PDE4D: variants seen among roughly 807,000 people sequenced by gnomAD.
The protein encoded by PDE4D is phosphodiesterase 4D, also known as 3',5'-cyclic-AMP phosphodiesterase 4D.
A neutral mutation model predicts 87.4 loss-of-function variants in PDE4D; 24 were observed. The observed-to-expected ratio is 0.27, with a 90% CI of 0.20 to 0.39. The LOEUF is 0.39. PDE4D is among the 10% of genes least tolerant of loss of function. The probability of loss-of-function intolerance (pLI) is 1.00; values close to 1 mark genes in which losing one functional copy is unlikely to be tolerated. For synonymous variants in PDE4D, 384 were observed against 383.2 expected (o/e 1.00, Z -0.02); for missense variants, 714 against 1,041.0 (o/e 0.69, Z 4.32).
At chr5:59,514,400 C>T (rs755188346) in intron 1 of PDE4D, among the ~76,000 whole-genome samples, 1 of 152,204 alleles carries the variant, frequency 6.6e-6, no homozygotes, top group East Asian at 1.9e-4. Flanking sequence ...CCACCGCACC[C>T]GGCCTTCATT....
chr5:60,452,737 G>A (rs984578680), intron 1 of PDE4D, among the ~76,000 whole-genome samples: 6 of 151,986 alleles, frequency 3.9e-5, no homozygotes, highest in Admixed American at 6.6e-5. Flanking sequence ...AAAATCACTC[G>A]AAAAAGTATT....
At chr5:59,781,570 G>A (rs1764626944) in intron 1 of PDE4D, among the ~76,000 whole-genome samples, 1 of 151,776 alleles carries the variant, frequency 6.6e-6, no homozygotes, top group Admixed American at 6.6e-5. Flanking sequence ...GGTGGATTAC[G>A]AGGTCAGGAA....
intron 1 of PDE4D, among the ~76,000 whole-genome samples, chr5:60,315,974 T>C (rs1755542341): frequency 6.6e-6 from 1 of 152,220 alleles, no homozygotes; most frequent in East Asian, 1.9e-4. Context: ...ATGTGGGCTC[T>C]TTTTTGGTTC....
intron 1 of PDE4D, among the ~76,000 whole-genome samples, chr5:59,785,749 T>C (rs1365554946): frequency 6.6e-6 from 1 of 152,250 alleles, no homozygotes; most frequent in Non-Finnish European, 1.5e-5. Context: ...GTGAAGGTTT[T>C]GTAAACTGAT....
In PDE4D at chr5:60,172,730, T is replaced by C. The variant is rs551681827; in HGVS notation, c.42+12827A>G. ...CCATCTTTGCTACAGGGACAATTGG[T>C]AGTCCCTCTTCCTAAGCCCTGTCTG... On this transcript the variant is annotated intron_variant, in intron 2 of 16. Coordinates refer to the PDE4D transcript ENST00000502484. Among the ~76,000 whole-genome samples the C allele has an allele frequency of 1.6e-4, 25 of 152,276 alleles. No individual in the cohort carries two copies. In the East Asian group the frequency reaches 2.7e-3, roughly 16 times the overall value.
intron 3 of PDE4D, among the ~76,000 whole-genome samples, chr5:59,187,032 C>T (rs978075251): frequency 1.4e-4 from 22 of 152,162 alleles, no homozygotes; most frequent in Non-Finnish European, 1.6e-4. Context: ...TGATCCCCTT[C>T]CTAGGCAAAA....
At chr5:60,116,776 T>C (rs749876324) in intron 2 of PDE4D, among the ~76,000 whole-genome samples, 3 of 152,038 alleles carry the variant, frequency 2.0e-5, no homozygotes, top group Non-Finnish European at 4.4e-5. Context: ...GGAAATGACA[T>C]CTGGAATGCA....
chr5:59,131,619 C>A (rs945282217), intron 5 of PDE4D, among the ~76,000 whole-genome samples: 1 of 103,780 alleles, frequency 9.6e-6, no homozygotes, highest in African/African-American at 3.9e-5. Flanking sequence ...CACACACACA[C>A]ACACACACAC....
At chr5:60,091,978 G>A (rs1367793270) in intron 2 of PDE4D, among the ~76,000 whole-genome samples, 8 of 149,168 alleles carry the variant, frequency 5.4e-5, no homozygotes, top group African/African-American at 2.0e-4. Flanking sequence ...GTGAACCCGG[G>A]AGGCGGAGCT....
chr5:59,345,200 C>G (rs1231509243), intron 1 of PDE4D, among the ~76,000 whole-genome samples: 1 of 152,056 alleles, frequency 6.6e-6, no homozygotes, highest in East Asian at 1.9e-4. Context: ...CTTACACTGC[C>G]TATGCATTTA....
At chr5:60,008,432 A>G (rs1764689366) in intron 2 of PDE4D, among the ~76,000 whole-genome samples, 1 of 152,042 alleles carries the variant, frequency 6.6e-6, no homozygotes, top group African/African-American at 2.4e-5. Flanking sequence ...TAAAAACCCC[A>G]TATGGGCCAT....
chr5:59,569,534 G>A (rs561549939), intron 1 of PDE4D, among the ~76,000 whole-genome samples: 5 of 152,026 alleles, frequency 3.3e-5, no homozygotes, highest in South Asian at 2.1e-4. Context: ...TGCAAACAAC[G>A]CATGTTTGTC....
At chr5:58,987,498 C>T (rs1746745679) in intron 11 of PDE4D, among the ~76,000 whole-genome samples, 2 of 152,088 alleles carry the variant, frequency 1.3e-5, no homozygotes, top group South Asian at 4.2e-4. Context: ...TGAATTAAAT[C>T]TCTCAAAGCA....
intron 5 of PDE4D, among the ~76,000 whole-genome samples, chr5:59,054,638 C>A (rs1207941260): frequency 6.6e-6 from 1 of 150,684 alleles, no homozygotes; most frequent in African/African-American, 2.4e-5. Context: ...TATATAGGAA[C>A]AGTATATACC....
chr5:59,176,558 GAAAAAA>G (rs11354852), intron 5 of PDE4D, among the ~76,000 whole-genome samples: 1 of 124,786 alleles, frequency 8.0e-6, no homozygotes, highest in African/African-American at 3.1e-5. Flanking sequence ...TCTATCTCAA[GAAAAAA>G]AAAAAAAAAT....
intron 1 of PDE4D, among the ~76,000 whole-genome samples, chr5:59,870,622 A>G (rs751234277): frequency 6.6e-6 from 1 of 152,198 alleles, no homozygotes; most frequent in Non-Finnish European, 1.5e-5. Context: ...TTATTGATAT[A>G]GTTTTCATTA....
chr5:59,832,863 C>G (rs549028045), intron 1 of PDE4D, among the ~76,000 whole-genome samples: 1 of 151,926 alleles, frequency 6.6e-6, no homozygotes, highest in Non-Finnish European at 1.5e-5. Flanking sequence ...CTAGAAAAAG[C>G]TTTAATTTCA....
At chr5:60,517,249 G>T (rs1750841903) in intron 1 of PDE4D, among the ~76,000 whole-genome samples, 1 of 152,260 alleles carries the variant, frequency 6.6e-6, no homozygotes, top group Admixed American at 6.5e-5. Flanking sequence ...GGGGAGCTGA[G>T]AGTGGCTCAG....
At chr5:59,986,226 TTG>T (rs1466205902) in intron 3 of PDE4D, among the ~76,000 whole-genome samples, 1 of 152,170 alleles carries the variant, frequency 6.6e-6, no homozygotes, top group Non-Finnish European at 1.5e-5. Flanking sequence ...AGTTATTTAT[TTG>T]TGTTTTTGAT....
Sources: allele counts gnomAD v4.1 joint callset (sites outside exome capture counted in the v4.1 genomes callset), GRCh38; gene constraint gnomAD v4.1.1; transcripts MANE v1.5; gene names NCBI Gene and HGNC (gene_info 2026-07-23, HGNC 2026-07-21).